The following SH3BP5 variants were observed in gnomAD, a reference collection of about 807,000 sequenced individuals.
The protein encoded by SH3BP5 is SH3 domain-binding protein 5.
Under a neutral mutation model 43.3 loss-of-function variants are expected in SH3BP5, and 22 were observed. That is an observed-to-expected ratio of 0.51 (90% CI 0.36 to 0.73). SH3BP5 has a LOEUF of 0.73. SH3BP5 is among the 30% of genes least tolerant of loss of function. SH3BP5 has a pLI of 0.00. For synonymous variants in SH3BP5, 255 were observed against 225.8 expected (o/e 1.13, Z -1.16); for missense variants, 529 against 586.9 (o/e 0.90, Z 1.02).
intron 3 of SH3BP5, among the ~76,000 whole-genome samples, chr3:15,293,336 C>G (rs538113097): frequency 7.1e-4 from 108 of 152,348 alleles, no homozygotes; most frequent in African/African-American, 2.4e-3. Context: ...CACCCAAAGT[C>G]CCGTGGCAAG....
At chr3:15,298,537 C>T (rs899813204) in intron 3 of SH3BP5, among the ~76,000 whole-genome samples, 7 of 152,312 alleles carry the variant, frequency 4.6e-5, no homozygotes, top group African/African-American at 1.2e-4. Flanking sequence ...TCTCTTCTGA[C>T]GCATTCCAAC....
chr3:15,337,570 TA>T (rs1191445644), upstream of SH3BP5, among the ~76,000 whole-genome samples: 1 of 152,124 alleles, frequency 6.6e-6, no homozygotes, highest in Non-Finnish European at 1.5e-5. Flanking sequence ...CCCAAACATG[TA>T]GATGACAAAT....
Position 15,254,491 on chromosome 3 carries a change from C to T in SH3BP5, c.*1595G>A, listed in dbSNP as rs1696123147. On this transcript the variant is annotated 3_prime_UTR_variant, in exon 9 of 9. Transcript: ENST00000383791. Reference sequence around the variant, plus strand: ...ATTCCCTCGGGGAGCTTTTAAAAGTCTAATGCCCCAGTGTACCCCCCCCAG... The same window carrying T: ...ATTCCCTCGGGGAGCTTTTAAAAGTTTAATGCCCCAGTGTACCCCCCCCAG... 1 of 150,394 alleles carries T rather than the reference C, an allele frequency of 6.6e-6. No homozygotes were observed. Among genetic ancestry groups the T allele is most frequent in the South Asian group, 2.1e-4 (1 of 4,834 alleles). 9.3% of individuals were successfully genotyped at this position (150,394 alleles called of 1,614,324 possible).
rs149397155 is a variant in SH3BP5 at position 15,257,083 on chromosome 3, C to T, written c.920G>A (p.Cys307Tyr). 2,315 of 1,614,166 alleles carry T rather than the reference C, an allele frequency of 1.4e-3. 2 individuals carry two copies. The highest frequency in any genetic ancestry group is 1.7e-3 in the Non-Finnish European group (2,063 of 1,180,012). ...VASEAFEDDSCSNFVSEDDSE... is the reference protein window; with the variant it reads ...VASEAFEDDSYSNFVSEDDSE... ...GTCATCTTCAGACACAAAGTTGCTA[C>T]AGCTGTCATCTTCAAAGGCCTCCGA... The change falls in exon 8 of 9, where the codon TGT becomes TAT. Residue 307 changes from cysteine to tyrosine, a missense_variant. Coordinates refer to ENST00000383791, the MANE Select transcript of SH3BP5 (RefSeq NM_004844.5).
At chr3:15,338,895 C>A (rs1438584466) in intron 1 of SH3BP5, among the ~76,000 whole-genome samples, 1 of 152,150 alleles carries the variant, frequency 6.6e-6, no homozygotes, top group Non-Finnish European at 1.5e-5. Context: ...TTACACCTGG[C>A]AGGCCACACA....
Position 15,255,089 on chromosome 3 carries a change from A to G in SH3BP5, c.*997T>C, listed in dbSNP as rs551713444. On this transcript the variant is annotated 3_prime_UTR_variant, in exon 9 of 9. Coordinates refer to ENST00000383791, the MANE Select transcript of SH3BP5 (RefSeq NM_004844.5). ...TACAGTGCTCTAAATATGCATTACCATGAAAACGTTAAAGAAAAGCAGTCT... is the reference window on the plus strand; with the variant it reads ...TACAGTGCTCTAAATATGCATTACCGTGAAAACGTTAAAGAAAAGCAGTCT... 5.9e-5 allele frequency: 9 copies of G among 152,768 alleles called. No homozygotes were observed. The highest frequency in any genetic ancestry group is 1.9e-4 in the African/African-American group (8 of 41,570). 9.5% of individuals were successfully genotyped at this position (152,768 alleles called of 1,614,324 possible).
chr3:15,261,928 T>G (rs1446668955), intron 5 of SH3BP5, among the ~76,000 whole-genome samples: 2 of 152,170 alleles, frequency 1.3e-5, no homozygotes, highest in Admixed American at 1.3e-4. Flanking sequence ...TTTTTCTGTG[T>G]TTCCTAACTT....
At chr3:15,330,784 T>C (rs1161858213) in intron 1 of SH3BP5, 77 of 983,772 alleles carry the variant, frequency 7.8e-5, no homozygotes, top group Non-Finnish European at 9.3e-5. Flanking sequence ...CTTTTGACAA[T>C]GTCTTCAGAG....
chr3:15,289,383 C>T (rs1005006497), intron 3 of SH3BP5, among the ~76,000 whole-genome samples: 1 of 152,150 alleles, frequency 6.6e-6, no homozygotes, highest in South Asian at 2.1e-4. Context: ...CTCCTTCTGT[C>T]CTGAAATGCA....
chr3:15,256,281 C>A lies in SH3BP5; in HGVS notation c.1173G>T (p.Glu391Asp). 1 of 1,614,166 alleles carries A rather than the reference C, an allele frequency of 6.2e-7. No homozygotes were observed. Among genetic ancestry groups the A allele is most frequent in the Non-Finnish European group, 8.5e-7 (1 of 1,180,028 alleles). ...VERGDRAEGA[E>D]NKTSDKANNN... ...TGTTGGCTTTGTCACTTGTTTTATT[C>A]TCTGCCCCTTCTGCCCTGTCTCCTA... is the stretch of plus-strand genomic sequence containing the variant. The change falls in exon 9 of 9, where the codon GAG becomes GAT. Residue 391 changes from glutamate (E) to aspartate (D), a missense_variant. Glu to Asp is a conservative substitution (Grantham distance 45). This residue lies in a region of SH3BP5 where 369 missense variants were observed against 384.3 expected (regional missense o/e 0.96). Transcript: ENST00000383791.
intron 2 of SH3BP5, among the ~76,000 whole-genome samples, chr3:15,317,129 A>G (rs1367564268): frequency 6.6e-6 from 1 of 152,264 alleles, no homozygotes; most frequent in African/African-American, 2.4e-5. Context: ...GATTTCAGAC[A>G]GATTACACCA....
intron 3 of SH3BP5, among the ~76,000 whole-genome samples, chr3:15,282,045 A>G (rs1483608040): frequency 6.6e-6 from 1 of 152,104 alleles, no homozygotes; most frequent in African/African-American, 2.4e-5. Flanking sequence ...GCCTTGCACA[A>G]AACTGGCATT....
intron 4 of SH3BP5, among the ~76,000 whole-genome samples, chr3:15,265,883 A>G (rs1347580896): frequency 6.6e-6 from 1 of 151,826 alleles, no homozygotes; most frequent in Non-Finnish European, 1.5e-5. Flanking sequence ...AGAAAATAGC[A>G]AACACCCGGC....
intron 2 of SH3BP5, among the ~76,000 whole-genome samples, chr3:15,326,171 A>G (rs60333681): frequency 0.21 from 32,459 of 152,156 alleles, 3,998 homozygotes; most frequent in South Asian, 0.34. Flanking sequence ...ATAAATCAGC[A>G]TGCAAAGGGG....
At chr3:15,333,337 G>T, upstream of SH3BP5, 1 of 927,172 alleles carries the variant, frequency 1.1e-6, no homozygotes, top group Non-Finnish European at 1.3e-6. Context: ...CGCAAAGGAT[G>T]ACCTTGGCAA....
At chr3:15,310,873 T>C (rs1371772250) in intron 2 of SH3BP5, among the ~76,000 whole-genome samples, 1 of 152,108 alleles carries the variant, frequency 6.6e-6, no homozygotes, top group Non-Finnish European at 1.5e-5. Context: ...CAAACAGCCT[T>C]GTGTCAGATA....
intron 4 of SH3BP5, among the ~76,000 whole-genome samples, chr3:15,266,338 TG>T (rs1205557739): frequency 5.3e-5 from 8 of 152,334 alleles, no homozygotes; most frequent in African/African-American, 1.9e-4. Context: ...TCATATCCAC[TG>T]TGAACCAGGA....
At chr3:15,263,945 G>A (rs1315467462) in intron 4 of SH3BP5, among the ~76,000 whole-genome samples, 1 of 152,172 alleles carries the variant, frequency 6.6e-6, no homozygotes, top group African/African-American at 2.4e-5. Context: ...AGGGCTCATG[G>A]TCACTAGTCA....
At chr3:15,259,210 C>T in intron 6 of SH3BP5, 160 bp from the exon 7 acceptor site, 1 of 638,812 alleles carries the variant, frequency 1.6e-6, no homozygotes, top group East Asian at 2.7e-5. Flanking sequence ...GCTATTCATT[C>T]ACCAGACAAA....
Sources: gnomAD v4.1 joint callset for allele counts (sites outside exome capture counted in the v4.1 genomes callset) on GRCh38, gnomAD v4.1.1 for gene constraint, gnomAD v4.1.1 regional missense constraint, MANE v1.5 for transcripts, NCBI Gene and HGNC (gene_info 2026-07-23, HGNC 2026-07-21) for gene names.